The following KDM4A variants were observed in gnomAD, a reference collection of about 807,000 sequenced individuals.
KDM4A encodes the protein lysine demethylase 4A, also known as lysine-specific demethylase 4A.
KDM4A carries 23 observed loss-of-function variants against 127.1 expected under a neutral mutation model. The observed-to-expected ratio is 0.18, with a 90% confidence interval of 0.13 to 0.26. KDM4A has a LOEUF of 0.26. Among genes scored for constraint, KDM4A ranks in the 10% least tolerant of loss-of-function variants. KDM4A has a pLI of 1.00. For missense variants in KDM4A, 890 were observed against 1,329.1 expected (o/e 0.67, Z 5.14); for synonymous variants, 443 against 466.5 (o/e 0.95, Z 0.65).
intron 2 of KDM4A, among the ~76,000 whole-genome samples, chr1:43,654,645 T>A (rs896227413): frequency 6.6e-6 from 1 of 151,962 alleles, no homozygotes; most frequent in East Asian, 1.9e-4. Flanking sequence ...AGAGTCTTGC[T>A]CCCTTTCCGT....
Position 43,655,598 on chromosome 1 carries a change from C to G in KDM4A, c.146C>G (p.Pro49Arg). Residue 49 changes from proline to arginine, a missense_variant, in exon 3 of 22, where the codon CCT (proline) becomes CGT (arginine). Pro to Arg is a moderately radical substitution (Grantham distance 103, BLOSUM62 -2). Around this residue, in one of 7 missense-constraint regions of KDM4A, gnomAD observed 29 missense variants for 64.3 expected, o/e 0.45. Coordinates refer to ENST00000372396, the MANE Select transcript of KDM4A (RefSeq NM_014663.3). ...AHRAGLAKVV[P>R]PKEWKPRASY... ...TTCTTGTGTTCCCTTCAGGTTGTTC[C>G]TCCAAAAGAGTGGAAGCCACGAGCA... 1 of 1,608,132 alleles carries G rather than the reference C, an allele frequency of 6.2e-7. No homozygotes were observed. Among genetic ancestry groups the G allele is most frequent in the South Asian group, 1.1e-5 (1 of 90,202 alleles).
chr1:43,669,923 G>A (rs1308024230), intron 10 of KDM4A, among the ~76,000 whole-genome samples: 1 of 152,108 alleles, frequency 6.6e-6, no homozygotes, highest in South Asian at 2.1e-4. Flanking sequence ...AAAATGCCAA[G>A]TGGGATTACA....
At chr1:43,662,236 T>G (rs1409715797) in intron 4 of KDM4A, among the ~76,000 whole-genome samples, 3 of 140,224 alleles carry the variant, frequency 2.1e-5, no homozygotes, top group African/African-American at 3.3e-5. Flanking sequence ...ATTTTTTTTT[T>G]TGTGGTCATA....
At chr1:43,658,608 A>G (rs1373051496) in intron 3 of KDM4A, among the ~76,000 whole-genome samples, 2 of 150,892 alleles carry the variant, frequency 1.3e-5, no homozygotes, top group African/African-American at 4.9e-5. Flanking sequence ...GGTTCAAGCA[A>G]TTCTCCTGCC....
At chr1:43,656,206 A>T in intron 3 of KDM4A, among the ~76,000 whole-genome samples, 1 of 152,092 alleles carries the variant, frequency 6.6e-6, no homozygotes, top group East Asian at 1.9e-4. Flanking sequence ...TGACATTAAC[A>T]GTGTGAGTAA....
chr1:43,679,221 A>G (rs7544894), intron 11 of KDM4A, among the ~76,000 whole-genome samples: 7,827 of 152,202 alleles, frequency 0.051, 655 homozygotes, highest in African/African-American at 0.18. Flanking sequence ...GAAGAATATA[A>G]CCTTCTAGAA....
chr1:43,692,335 G>T, intron 16 of KDM4A, 24 bp downstream of exon 16: 1 of 1,601,274 alleles, frequency 6.2e-7, no homozygotes, highest in South Asian at 1.1e-5. Context: ...GCAGTGCCTT[G>T]GAATGCACAG....
At chr1:43,678,040 G>A (rs1278941358) in intron 11 of KDM4A, among the ~76,000 whole-genome samples, 1 of 152,158 alleles carries the variant, frequency 6.6e-6, no homozygotes, top group Non-Finnish European at 1.5e-5. Flanking sequence ...GTGAGTCAGA[G>A]GGTAGCATGG....
intron 12 of KDM4A, among the ~76,000 whole-genome samples, chr1:43,685,721 C>G (rs966703372): frequency 6.6e-6 from 1 of 152,056 alleles, no homozygotes; most frequent in Non-Finnish European, 1.5e-5. Flanking sequence ...TGAGCTGAGA[C>G]CATGCCACTG....
intron 1 of KDM4A, 189 bp downstream of exon 1, chr1:43,650,441 A>G (rs1396419182): frequency 2.0e-5 from 3 of 152,164 alleles, no homozygotes; most frequent in Non-Finnish European, 4.4e-5. Flanking sequence ...TTCAAGGCCA[A>G]TGGACCTCGG....
chr1:43,665,401 C>A (rs905438140), intron 5 of KDM4A, among the ~76,000 whole-genome samples: 2 of 151,674 alleles, frequency 1.3e-5, no homozygotes, highest in African/African-American at 4.9e-5. Flanking sequence ...ATTATATGAA[C>A]AACATTATAA....
At position 43,703,143 on chromosome 1, in the gene KDM4A, C is replaced by T. The variant is rs184565805; in HGVS notation, c.2842-474C>T. On this transcript the variant is annotated intron_variant, in intron 19 of 21. Transcript: ENST00000372396. ...ATTTTTAGTAGAGATGGGGTTTCAC[C>T]ATGTTAGCCAGGATGGTCTTGATCT... Among the ~76,000 whole-genome samples, 12 of 152,104 alleles carry T rather than the reference C, an allele frequency of 7.9e-5. No individual in the cohort carries two copies. The East Asian group carries it at 2.4e-3, about 30-fold the overall frequency.
chr1:43,680,066 CT>C (rs1258636920), intron 11 of KDM4A, among the ~76,000 whole-genome samples: 1 of 152,200 alleles, frequency 6.6e-6, no homozygotes, highest in Non-Finnish European at 1.5e-5. Flanking sequence ...AATTTAGAAA[CT>C]GGAGCAATCC....
At chr1:43,655,462 A>C in intron 2 of KDM4A, 129 bp from the exon 3 acceptor site, 1 of 773,764 alleles carries the variant, frequency 1.3e-6, no homozygotes, top group Admixed American at 3.0e-5. Flanking sequence ...GTTTTGGTGA[A>C]TGTGGGTAAA....
In KDM4A at chr1:43,667,685, C is replaced by A. The variant is rs1660529748; in HGVS notation, c.916-87C>A. On this transcript the variant is annotated intron_variant, in intron 8 of 21. Coordinates refer to ENST00000372396, the MANE Select transcript of KDM4A (RefSeq NM_014663.3). ...GTTATAAACCATCTTGCACTTGTTT[C>A]CATGTGGAGGGAGGAGCTAGGACGT... is the stretch of plus-strand genomic sequence containing the variant. 21 of 1,549,028 alleles carry A rather than the reference C, an allele frequency of 1.4e-5. 1 individual carries two copies. The African/African-American group carries it at 1.9e-4, about 14-fold the overall frequency.
At chr1:43,685,432 G>A (rs541492166) in intron 12 of KDM4A, among the ~76,000 whole-genome samples, 26 of 151,798 alleles carry the variant, frequency 1.7e-4, no homozygotes, top group Admixed American at 1.6e-3. Flanking sequence ...TTCCTGATCT[G>A]ATGTCAGTGC....
chr1:43,701,477 CTT>C (rs1267294836), intron 19 of KDM4A, among the ~76,000 whole-genome samples: 1 of 152,068 alleles, frequency 6.6e-6, no homozygotes, highest in Non-Finnish European at 1.5e-5. Flanking sequence ...TCACTTTTTT[CTT>C]TTTTTAAATT....
chr1:43,698,129 C>A, intron 19 of KDM4A, 116 bp downstream of exon 19: 1 of 928,650 alleles, frequency 1.1e-6, no homozygotes, highest in Non-Finnish European at 1.6e-6. Context: ...GGTCCCATCA[C>A]CATGTCCTCA....
Position 43,691,619 on chromosome 1 carries a change from A to G in KDM4A, c.2319+47A>G, listed in dbSNP as rs1038316495. 5.9e-6 allele frequency: 9 copies of G among 1,516,332 alleles called. No individual in the cohort carries two copies. In the Admixed American group the frequency reaches 6.7e-5, roughly 11 times the overall value. The allele number at this position is 1,516,332 out of a possible 1,614,324, so 93.9% of individuals were successfully genotyped here. On this transcript the variant is annotated intron_variant, in intron 15 of 21. Transcript: ENST00000372396. ...CTGTCTTCACCATGAGTCTTGGTGC[A>G]TATTCAGGGCCAGACGATTTCATGT...
Sources: gnomAD v4.1 joint callset for allele counts (sites outside exome capture counted in the v4.1 genomes callset) on GRCh38, gnomAD v4.1.1 for gene constraint, gnomAD v4.1.1 regional missense constraint, MANE v1.5 for transcripts, NCBI Gene and HGNC (gene_info 2026-07-23, HGNC 2026-07-21) for gene names.